DNAH10: variants seen among roughly 807,000 people sequenced by gnomAD.
DNAH10 encodes dynein axonemal heavy chain 10.
DNAH10 carries 348 observed loss-of-function variants against 506.6 expected under a neutral mutation model. The observed-to-expected ratio is 0.69, with a 90% confidence interval of 0.63 to 0.75. The LOEUF is 0.75. Among genes scored for constraint, DNAH10 ranks in the 30% least tolerant of loss-of-function variants. The pLI, the probability that DNAH10 is intolerant of heterozygous loss-of-function variation, is 0.00. For missense variants in DNAH10, 5,179 were observed against 5,787.1 expected (o/e 0.89, Z 3.41); for synonymous variants, 2,059 against 2,198.6 (o/e 0.94, Z 1.78).
intron 37 of DNAH10, among the ~76,000 whole-genome samples, chr12:123,857,925 T>G (rs1951462178): frequency 6.6e-6 from 1 of 152,228 alleles, no homozygotes; most frequent in Non-Finnish European, 1.5e-5. Flanking sequence ...CAAATTTGAC[T>G]ACTCTAGGTA....
chr12:123,822,420 A>G (rs1427923595), intron 24 of DNAH10, among the ~76,000 whole-genome samples: 4 of 152,088 alleles, frequency 2.6e-5, no homozygotes, highest in Non-Finnish European at 4.4e-5. Flanking sequence ...TGACTATGTT[A>G]GTCTGGGTTC....
intron 1 of DNAH10, among the ~76,000 whole-genome samples, chr12:123,767,311 T>G (rs991376538): frequency 6.6e-6 from 1 of 152,242 alleles, no homozygotes; most frequent in Admixed American, 6.5e-5. Context: ...CATAGTGTTG[T>G]GCACCCAGGA....
At chr12:123,847,215 C>G in intron 32 of DNAH10, among the ~76,000 whole-genome samples, 8 of 137,256 alleles carry the variant, frequency 5.8e-5, no homozygotes, top group Non-Finnish European at 1.6e-5. Context: ...TCCATCCATC[C>G]TATTATCTAT....
chr12:123,873,969 T>C (rs568760870), intron 46 of DNAH10, among the ~76,000 whole-genome samples: 11 of 152,302 alleles, frequency 7.2e-5, no homozygotes, highest in African/African-American at 2.4e-4. Flanking sequence ...GCCTTTGAAC[T>C]AAATTCAGCA....
In DNAH10 at chr12:123,919,729, C is replaced by G. The variant is rs182258516; in HGVS notation, c.11506+780C>G. ...CATCATACGGTGTGTGACTTCATGA[C>G]TGGTATCTTTCACTCCACTCCGTGA... On this transcript the variant is annotated intron_variant, in intron 65 of 78. Transcript: ENST00000673944. This position sits in a 1 kb window ranked among gnomAD's most constrained non-coding sequence, Gnocchi z 4.9. Among the ~76,000 whole-genome samples, 4 of 152,340 alleles carry G rather than the reference C, an allele frequency of 2.6e-5. No individual in the cohort carries two copies. The highest frequency in any genetic ancestry group is 3.4e-3 in the Middle Eastern group (1 of 294).
At chr12:123,844,415 C>T (rs1271625256) in intron 30 of DNAH10, among the ~76,000 whole-genome samples, 4 of 152,162 alleles carry the variant, frequency 2.6e-5, no homozygotes, top group Admixed American at 2.6e-4. Flanking sequence ...AAATGTGTCT[C>T]AAGGCAATCA....
chr12:123,835,157 C>T (rs927153827), intron 27 of DNAH10, among the ~76,000 whole-genome samples: 1 of 152,196 alleles, frequency 6.6e-6, no homozygotes, highest in Non-Finnish European at 1.5e-5. Context: ...GTTTTCCTAC[C>T]TGTGCTGGGC....
Position 123,931,331 on chromosome 12 carries a change from G to A in DNAH10, c.12785-10G>A. The stretch of plus-strand genomic sequence containing the variant: ...GACAGTGCCACCTCCGTTGTTCTCT[G>A]TGATTGCAGAAGCCATCGAGGCCCT... On this transcript the variant is annotated splice_polypyrimidine_tract_variant and intron_variant, in intron 73 of 78. Coordinates refer to ENST00000673944, the MANE Select transcript of DNAH10 (RefSeq NM_001372106.1). The A allele has an allele frequency of 6.2e-7, 1 of 1,613,282 alleles. No individual in the cohort carries two copies. Among genetic ancestry groups the A allele is most frequent in the East Asian group, 2.2e-5 (1 of 44,886 alleles).
Position 123,830,624 on chromosome 12 carries a change from T to G in DNAH10, c.4470T>G (p.Ala1490=), listed in dbSNP as rs371490353. 1.2e-5 allele frequency: 20 copies of G among 1,613,902 alleles called. No homozygotes were observed. The highest frequency in any genetic ancestry group is 1.6e-5 in the Non-Finnish European group (19 of 1,179,854). Residue 1490 remains alanine (A), a synonymous_variant, in exon 26 of 79, where the codon GCT becomes GCG. Transcript: ENST00000673944. ...TETFTLENMF[A]MELHKHTDVL... ...CGTTCACCTTGGAAAATATGTTTGCTATGGAACTGCACAAACACACAGATG... is the reference window on the plus strand; with the variant it reads ...CGTTCACCTTGGAAAATATGTTTGCGATGGAACTGCACAAACACACAGATG...
At chr12:123,864,813 G>A in intron 40 of DNAH10, 83 bp downstream of exon 40, 1 of 1,463,118 alleles carries the variant, frequency 6.8e-7, no homozygotes, top group Non-Finnish European at 9.1e-7. Context: ...AGTAGTAAAT[G>A]TAGATGATTA....
intron 13 of DNAH10, among the ~76,000 whole-genome samples, chr12:123,798,000 A>G (rs575333886): frequency 7.2e-5 from 11 of 152,394 alleles, no homozygotes; most frequent in African/African-American, 2.6e-4. Context: ...GGCTGTGTCC[A>G]ATAAAACTTT....
intron 74 of DNAH10, 80 bp from the exon 75 acceptor site, chr12:123,931,556 T>A: frequency 6.2e-7 from 1 of 1,606,312 alleles, no homozygotes; most frequent in Non-Finnish European, 8.5e-7. Flanking sequence ...GCTGATGCCT[T>A]TCCCAGAACT....
At chr12:123,851,103 G>T in intron 35 of DNAH10, 27 bp downstream of exon 35, 2 of 1,571,488 alleles carry the variant, frequency 1.3e-6, no homozygotes, top group Non-Finnish European at 8.6e-7. Context: ...GCGCCAGGTC[G>T]TGCAGTGCAG....
intron 18 of DNAH10, among the ~76,000 whole-genome samples, chr12:123,806,434 A>C (rs534031661): frequency 5.3e-5 from 8 of 152,066 alleles, no homozygotes; most frequent in Non-Finnish European, 4.4e-5. Context: ...GGGCAGTCTG[A>C]CTCCAGTATC....
intron 54 of DNAH10, among the ~76,000 whole-genome samples, chr12:123,895,047 CATTA>C (rs1290838913): frequency 2.6e-5 from 4 of 152,212 alleles, no homozygotes; most frequent in Non-Finnish European, 4.4e-5. Flanking sequence ...CAGACTCACT[CATTA>C]ATTAACATAT....
In DNAH10 at chr12:123,860,833, G is replaced by T. The variant is rs568788585; in HGVS notation, c.6750-179G>T. 9.8e-4 allele frequency among the ~76,000 whole-genome samples: 150 copies of T among 152,296 alleles called. 1 individual carries two copies. Among genetic ancestry groups the T allele is most frequent in the African/African-American group, 3.5e-3 (145 of 41,540 alleles). On this transcript the variant is annotated intron_variant, in intron 38 of 78. Coordinates refer to ENST00000673944, the MANE Select transcript of DNAH10 (RefSeq NM_001372106.1). ...GCCACATTTTTGGTGAAATGTGGTT[G>T]CTTTATATTTAGAAGAAAGCACTAA...
At position 123,928,156 on chromosome 12, in the gene DNAH10, T is replaced by A; in HGVS notation, c.12106-231T>A. On this transcript the variant is annotated intron_variant, in intron 69 of 78. Transcript: ENST00000673944. The surrounding 1 kb of genome is among the most constrained non-coding windows in gnomAD (Gnocchi z 4.9). ...AGGGAGGCAGATGAGTGCAAAATGC[T>A]CACCCATCTTCCAGGCTGGGTGTGA... 1.7e-6 allele frequency: 1 copy of A among 596,728 alleles called. No individual in the cohort carries two copies. Among genetic ancestry groups the A allele is most frequent in the Admixed American group, 3.0e-5 (1 of 33,474 alleles). 37.0% of individuals were successfully genotyped at this position (596,728 alleles called of 1,614,324 possible). A position where few individuals can be genotyped will look rare whatever the true frequency, so the allele number is the denominator to read the frequency against.
Position 123,909,093 on chromosome 12 carries a change from T to C in DNAH10, c.9816-168T>C, listed in dbSNP as rs549329392. On this transcript the variant is annotated intron_variant, in intron 57 of 78. Coordinates refer to ENST00000673944, the MANE Select transcript of DNAH10 (RefSeq NM_001372106.1). This position sits in a 1 kb window ranked among gnomAD's most constrained non-coding sequence, Gnocchi z 5.4. ...GACCCGGCCCTGCCCTTAGGGACGC[T>C]CCCGCCCAGGAGTGCGGTTTGTGTT... 2.0e-3 allele frequency among the ~76,000 whole-genome samples: 309 copies of C among 152,218 alleles called. No individual in the cohort carries two copies. The highest frequency in any genetic ancestry group is 3.7e-3 in the Non-Finnish European group (253 of 67,996).
chr12:123,898,902 C>A, intron 56 of DNAH10, 88 bp downstream of exon 56: 1 of 1,464,872 alleles, frequency 6.8e-7, no homozygotes, highest in Non-Finnish European at 9.0e-7. Context: ...CAGCCCATCC[C>A]GAGCAGGACA....
Sources: allele counts gnomAD v4.1 joint callset (sites outside exome capture counted in the v4.1 genomes callset), GRCh38; gene constraint gnomAD v4.1.1; non-coding constraint Gnocchi (gnomAD v3.1); transcripts MANE v1.5; gene names NCBI Gene and HGNC (gene_info 2026-07-23, HGNC 2026-07-21).